GRID2: variants seen among roughly 807,000 people sequenced by gnomAD.
GRID2 encodes the protein glutamate ionotropic receptor delta type subunit 2.
In GRID2, 33 loss-of-function variants were observed where a neutral mutation model predicts 114.8. The ratio of observed to expected loss-of-function variants is 0.29; its 90% CI spans 0.22 to 0.38. The LOEUF (loss-of-function observed/expected upper bound fraction) is 0.38, where lower values mean the gene tolerates loss of function less well. Among genes scored for constraint, GRID2 ranks in the 10% least tolerant of loss-of-function variants. The pLI, the probability that GRID2 is intolerant of heterozygous loss-of-function variation, is 1.00. For missense variants in GRID2, 1,184 were observed against 1,257.7 expected (o/e 0.94, Z 0.89); for synonymous variants, 505 against 449.9 (o/e 1.12, Z -1.55).
intron 2 of GRID2, among the ~76,000 whole-genome samples, chr4:92,987,421 A>G (rs1754571922): frequency 6.6e-6 from 1 of 152,086 alleles, no homozygotes; most frequent in South Asian, 2.1e-4. Context: ...TTGTTTCAAC[A>G]ACTATTATTT....
In GRID2 at chr4:92,689,766, T is replaced by C. The variant is rs139418915; in HGVS notation, c.244+99480T>C. Among the ~76,000 whole-genome samples the C allele has an allele frequency of 2.5e-3, 380 of 152,348 alleles. 3 individuals are homozygous for C. Among genetic ancestry groups the C allele is most frequent in the African/African-American group, 8.3e-3 (344 of 41,588 alleles). ...TATACAGATAACTTGCTGCAGCTTC[T>C]ACAGGAGCATGTGCTGTTTCACCTT... On this transcript the variant is annotated intron_variant, in intron 2 of 15. Transcript: ENST00000282020.
intron 2 of GRID2, among the ~76,000 whole-genome samples, chr4:92,949,026 T>A (rs562283555): frequency 2.6e-5 from 4 of 151,892 alleles, no homozygotes; most frequent in African/African-American, 9.6e-5. Context: ...TTGATGTGCT[T>A]TTCTCTTAGT....
chr4:93,490,597 T>C (rs1726895754), intron 11 of GRID2, 42 bp from the exon 12 acceptor site: 1 of 1,526,208 alleles, frequency 6.6e-7, no homozygotes, highest in African/African-American at 1.4e-5. Context: ...CCTCAATAAA[T>C]ACTAGTTGAT....
rs545258751 is a variant in GRID2, at chr4:92,610,571, C to T, written c.244+20285C>T. On this transcript the variant is annotated intron_variant, in intron 2 of 15. Coordinates refer to ENST00000282020, the MANE Select transcript of GRID2 (RefSeq NM_001510.4). ...CCTTCCCCCTCCTTTTCCACTTCCT[C>T]GTCCTTCACGCTGTACTGAGACATC... Among the ~76,000 whole-genome samples, 101 of 151,676 alleles carry T rather than the reference C, an allele frequency of 6.7e-4. 1 individual carries two copies. In the Middle Eastern group the frequency reaches 0.024, roughly 36 times the overall value.
At chr4:93,252,238 TG>T (rs1180403685) in intron 8 of GRID2, among the ~76,000 whole-genome samples, 1 of 152,146 alleles carries the variant, frequency 6.6e-6, no homozygotes, top group Non-Finnish European at 1.5e-5. Flanking sequence ...GGTTGATTTT[TG>T]TATATGGTAT....
At chr4:93,060,192 G>T (rs1727651636) in intron 2 of GRID2, among the ~76,000 whole-genome samples, 1 of 152,148 alleles carries the variant, frequency 6.6e-6, no homozygotes, top group Non-Finnish European at 1.5e-5. Flanking sequence ...AGTTAATGAG[G>T]TTAGCAGCAG....
At chr4:93,130,081 A>G (rs774455038) in intron 4 of GRID2, among the ~76,000 whole-genome samples, 8 of 152,144 alleles carry the variant, frequency 5.3e-5, no homozygotes, top group Admixed American at 3.9e-4. Flanking sequence ...TTTATTTGTA[A>G]TACTGTTGTT....
intron 2 of GRID2, chr4:92,822,155 C>A: frequency 2.7e-6 from 1 of 365,976 alleles, no homozygotes; most frequent in Non-Finnish European, 5.3e-6. Flanking sequence ...AGTCCCAGAT[C>A]TTGATGCTGA....
chr4:93,689,436 T>C (rs1726351730), intron 14 of GRID2, among the ~76,000 whole-genome samples: 1 of 152,038 alleles, frequency 6.6e-6, no homozygotes, highest in African/African-American at 2.4e-5. Context: ...ACTTAATAAA[T>C]AGTTTTGGAT....
intron 1 of GRID2, among the ~76,000 whole-genome samples, chr4:92,367,833 G>C (rs1408719532): frequency 1.3e-5 from 2 of 152,114 alleles, no homozygotes; most frequent in Non-Finnish European, 2.9e-5. Context: ...CAGCTACTCT[G>C]ATCTCTCATT....
chr4:92,988,116 T>C (rs1754624756), intron 2 of GRID2, among the ~76,000 whole-genome samples: 2 of 152,210 alleles, frequency 1.3e-5, no homozygotes, highest in East Asian at 3.9e-4. Flanking sequence ...ACCACAAACA[T>C]ATTACCTTAT....
At chr4:92,387,570 T>C (rs1730025118) in intron 1 of GRID2, among the ~76,000 whole-genome samples, 1 of 151,962 alleles carries the variant, frequency 6.6e-6, no homozygotes, top group African/African-American at 2.4e-5. Flanking sequence ...GAGACTATGC[T>C]GTGCAGTGGT....
intron 14 of GRID2, among the ~76,000 whole-genome samples, chr4:93,653,572 C>A (rs745818929): frequency 6.6e-6 from 1 of 152,076 alleles, no homozygotes; most frequent in Non-Finnish European, 1.5e-5. Flanking sequence ...CATCTCCAGC[C>A]TTGACGTCCC....
intron 14 of GRID2, among the ~76,000 whole-genome samples, chr4:93,688,405 C>T (rs961506071): frequency 6.6e-6 from 1 of 151,808 alleles, no homozygotes; most frequent in African/African-American, 2.4e-5. Flanking sequence ...ATCTAAAAGG[C>T]ATTTTATATA....
chr4:93,088,203 A>G (rs969518149), intron 3 of GRID2, among the ~76,000 whole-genome samples: 1 of 152,204 alleles, frequency 6.6e-6, no homozygotes, highest in African/African-American at 2.4e-5. Flanking sequence ...AAGAAAACTG[A>G]TATCTTTGCT....
chr4:93,264,757 GAT>G lies in GRID2; in HGVS notation c.1245+26283_1245+26284del, dbSNP rs10567648. 4.9e-3 allele frequency among the ~76,000 whole-genome samples: 675 copies of G among 136,838 alleles called. 6 individuals are homozygous for G. The highest frequency in any genetic ancestry group is 5.5e-3 in the African/African-American group (198 of 35,934). 89.8% of individuals were successfully genotyped at this position (136,838 alleles called of 152,430 possible). A position where few individuals can be genotyped will look rare whatever the true frequency, so the allele number is the denominator to read the frequency against. On this transcript the variant is annotated intron_variant, in intron 8 of 15. Coordinates refer to ENST00000282020, the MANE Select transcript of GRID2 (RefSeq NM_001510.4). ...AATTATATATATATATCATTTGAAT[GAT>G]ATATATATATATATAAATATATATA... is the stretch of plus-strand genomic sequence containing the variant.
chr4:92,565,637 G>T (rs1727300109), intron 1 of GRID2, among the ~76,000 whole-genome samples: 1 of 151,756 alleles, frequency 6.6e-6, no homozygotes, highest in East Asian at 1.9e-4. Context: ...TCTGACTTCA[G>T]TTTCTACTAC....
At chr4:93,707,830 G>A (rs80164101) in intron 14 of GRID2, among the ~76,000 whole-genome samples, 6,402 of 151,728 alleles carry the variant, frequency 0.042, 216 homozygotes, top group African/African-American at 0.084. Context: ...GCTTATTGCT[G>A]TAAATCTTCC....
chr4:93,224,266 A>G (rs1205351582), intron 6 of GRID2, among the ~76,000 whole-genome samples: 3 of 152,290 alleles, frequency 2.0e-5, no homozygotes, highest in African/African-American at 4.8e-5. Flanking sequence ...TGCCCTTCCA[A>G]TCTTAAACCC....
Sources: allele counts gnomAD v4.1 joint callset (sites outside exome capture counted in the v4.1 genomes callset), GRCh38; gene constraint gnomAD v4.1.1; transcripts MANE v1.5; gene names NCBI Gene and HGNC (gene_info 2026-07-23, HGNC 2026-07-21).